MRPL48: variants seen among roughly 807,000 people sequenced by gnomAD.
MRPL48 encodes mitochondrial ribosomal protein L48, also known as large ribosomal subunit protein mL48.
A neutral mutation model predicts 32.9 loss-of-function variants in MRPL48; 16 were observed. The ratio of observed to expected loss-of-function variants is 0.49; its 90% CI spans 0.33 to 0.74. MRPL48 has a LOEUF of 0.74. MRPL48 is among the 30% of genes least tolerant of loss of function. The probability of loss-of-function intolerance (pLI) is 0.02; values close to 1 mark genes in which losing one functional copy is unlikely to be tolerated. For missense variants in MRPL48, 206 were observed against 245.3 expected (o/e 0.84, Z 1.07); for synonymous variants, 94 against 89.2 (o/e 1.05, Z -0.31).
chr11:73,804,950 T>C, intron 1 of MRPL48, 77 bp from the exon 2 acceptor site: 1 of 1,400,364 alleles, frequency 7.1e-7, no homozygotes, highest in Non-Finnish European at 9.8e-7. Flanking sequence ...TACTGTGGGT[T>C]TCTTGCCTCT....
At chr11:73,807,705 T>G (rs1027934781) in intron 2 of MRPL48, among the ~76,000 whole-genome samples, 2 of 150,562 alleles carry the variant, frequency 1.3e-5, no homozygotes, top group Non-Finnish European at 1.5e-5. Context: ...TGGCACGATC[T>G]TGGCTTACTG....
At chr11:73,826,821 G>C (rs7480464) in intron 4 of MRPL48, among the ~76,000 whole-genome samples, 11,577 of 143,090 alleles carry the variant, frequency 0.081, 624 homozygotes, top group African/African-American at 0.16. Context: ...TTATTGCTCA[G>C]GCTGGAGGGC....
Position 73,859,964 on chromosome 11 carries a change from A to G in MRPL48, c.429A>G (p.Lys143=). 1 of 1,613,826 alleles carries G rather than the reference A, an allele frequency of 6.2e-7. No homozygotes were observed. The highest frequency in any genetic ancestry group is 8.5e-7 in the Non-Finnish European group (1 of 1,179,842). ...TGCAGTTGCAGGACCAAGGCAGCAA[A>G]ATGCTCCTGGACTCAGTGCTTACCA... ...EVLQLQDQGS[K]MLLDSVLTTH... Residue 143 remains lysine, a synonymous_variant, in exon 6 of 8, where the codon AAA becomes AAG. Transcript: ENST00000310614.
intron 4 of MRPL48, among the ~76,000 whole-genome samples, chr11:73,838,067 T>C (rs1263782188): frequency 6.6e-6 from 1 of 152,158 alleles, no homozygotes; most frequent in Admixed American, 6.6e-5. Context: ...TTGGTCAGGC[T>C]GGTCTTGAAC....
chr11:73,794,939 C>G (rs1947228426), intron 1 of MRPL48, among the ~76,000 whole-genome samples: 1 of 147,350 alleles, frequency 6.8e-6, no homozygotes, highest in Non-Finnish European at 1.5e-5. Context: ...GAGATGGAGT[C>G]TTGCTCCGTC....
chr11:73,809,100 C>G (rs1947518771), intron 3 of MRPL48, among the ~76,000 whole-genome samples: 1 of 151,964 alleles, frequency 6.6e-6, no homozygotes, highest in Non-Finnish European at 1.5e-5. Flanking sequence ...TGTGCCACTG[C>G]ACTGCAGCCT....
intron 5 of MRPL48, chr11:73,851,183 T>C (rs1387393885): frequency 4.6e-6 from 2 of 437,608 alleles, no homozygotes; most frequent in East Asian, 1.4e-4. Context: ...TCCTCCCAGT[T>C]CACACCGCCA....
intron 1 of MRPL48, among the ~76,000 whole-genome samples, chr11:73,793,820 G>C (rs986805036): frequency 4.0e-5 from 6 of 150,894 alleles, no homozygotes; most frequent in African/African-American, 1.5e-4. Flanking sequence ...TCAGGAGTTT[G>C]AGACCAGCCT....
chr11:73,789,142 T>C (rs1947102547), intron 1 of MRPL48, among the ~76,000 whole-genome samples: 1 of 150,606 alleles, frequency 6.6e-6, no homozygotes, highest in South Asian at 2.1e-4. Context: ...TGTAAGAATT[T>C]GGCCAAATAT....
chr11:73,825,833 G>A (rs1168060229), intron 4 of MRPL48, 37 bp downstream of exon 4: 2 of 1,516,804 alleles, frequency 1.3e-6, no homozygotes, highest in South Asian at 1.2e-5. Context: ...AAAGGATAAT[G>A]TGCAGCTTTT....
chr11:73,823,789 C>T (rs1231915623), intron 3 of MRPL48, among the ~76,000 whole-genome samples: 1 of 151,550 alleles, frequency 6.6e-6, no homozygotes, highest in Non-Finnish European at 1.5e-5. Flanking sequence ...TCCTGAGTAG[C>T]TGGGACTACA....
At chr11:73,793,360 C>G (rs1482843131) in intron 1 of MRPL48, among the ~76,000 whole-genome samples, 1 of 152,180 alleles carries the variant, frequency 6.6e-6, no homozygotes. Context: ...GCCACTGCAC[C>G]TGGCCATGGT....
intron 3 of MRPL48, among the ~76,000 whole-genome samples, chr11:73,822,399 A>G (rs970195377): frequency 2.0e-5 from 3 of 152,140 alleles, no homozygotes; most frequent in African/African-American, 7.2e-5. Context: ...CTGCTTTCCT[A>G]TCTTCCTTTC....
At position 73,844,809 on chromosome 11, in the gene MRPL48, C is replaced by G; in HGVS notation, c.204C>G (p.Pro68=). 1 of 1,611,584 alleles carries G rather than the reference C, an allele frequency of 6.2e-7. No homozygotes were observed. The highest frequency in any genetic ancestry group is 8.5e-7 in the Non-Finnish European group (1 of 1,179,164). ...KYKHLIKAEE[P]KKKKGKVEVR... is the part of the protein sequence containing the mutation. The stretch of plus-strand genomic sequence containing the variant: ...TTCTCTCTTTGTTTTCTCTTCAGCC[C>G]AAGAAGAAGAAGGGAAAAGTGGAAG... Residue 68 remains proline (P), a splice_region_variant and synonymous_variant, in exon 5 of 8, where the codon CCC becomes CCG. Transcript: ENST00000310614.
chr11:73,797,053 A>G (rs942600962), intron 1 of MRPL48, among the ~76,000 whole-genome samples: 1 of 152,104 alleles, frequency 6.6e-6, no homozygotes, highest in African/African-American at 2.4e-5. Context: ...AAAGAGTGAG[A>G]CTGTCTCAAA....
intron 3 of MRPL48, among the ~76,000 whole-genome samples, chr11:73,825,297 T>TGG (rs1472211957): frequency 3.4e-5 from 5 of 146,626 alleles, no homozygotes. Flanking sequence ...TGTGTGTGTG[T>TGG]GTGTGTGTGT....
rs543296918 is a variant in MRPL48, at chr11:73,830,644, G to T, written c.201+4848G>T. 7.2e-5 allele frequency among the ~76,000 whole-genome samples: 11 copies of T among 152,156 alleles called. No individual in the cohort carries two copies. In the East Asian group the frequency reaches 2.1e-3, roughly 29 times the overall value. On this transcript the variant is annotated intron_variant, in intron 4 of 7. Coordinates refer to ENST00000310614, the MANE Select transcript of MRPL48 (RefSeq NM_016055.6). ...GTCTCAGTCTGGCCCCTCTACTCTT[G>T]TGAGCCCAACATCCCTAAGACGAGT...
At chr11:73,817,831 G>A (rs750402199) in intron 3 of MRPL48, 6 of 395,432 alleles carry the variant, frequency 1.5e-5, no homozygotes, top group East Asian at 9.1e-5. Flanking sequence ...AGAGAGAGAC[G>A]GTCTTGCTTG....
intron 1 of MRPL48, among the ~76,000 whole-genome samples, chr11:73,800,108 A>G (rs1723831): frequency 0.98 from 148,845 of 152,086 alleles, 73,065 homozygotes; most frequent in Middle Eastern, 1. Context: ...TTGCTGTAAC[A>G]ATTAATTGAA....
Sources: gnomAD v4.1 joint callset for allele counts (sites outside exome capture counted in the v4.1 genomes callset) on GRCh38, gnomAD v4.1.1 for gene constraint, MANE v1.5 for transcripts, NCBI Gene and HGNC (gene_info 2026-07-23, HGNC 2026-07-21) for gene names.